Variants in SLC2A13 observed in about 807,000 individuals in gnomAD.
The protein encoded by SLC2A13 is proton myo-inositol cotransporter.
SLC2A13 carries 32 observed loss-of-function variants against 64.4 expected under a neutral mutation model. The observed-to-expected ratio is 0.50, with a 90% CI of 0.37 to 0.67. The LOEUF (loss-of-function observed/expected upper bound fraction) is 0.67, where lower values mean the gene tolerates loss of function less well. Among genes scored for constraint, SLC2A13 ranks in the 30% least tolerant of loss-of-function variants. The probability of loss-of-function intolerance (pLI) is 0.00; values close to 1 mark genes in which losing one functional copy is unlikely to be tolerated. For missense variants in SLC2A13, 743 were observed against 829.2 expected, an observed-to-expected ratio of 0.90 and a Z score of 1.28; for synonymous variants, 338 against 327.1, an observed-to-expected ratio of 1.03 and a Z score of -0.36.
chr12:40,067,853 C>A (rs1277497694), intron 1 of SLC2A13, among the ~76,000 whole-genome samples: 1 of 152,122 alleles, frequency 6.6e-6, no homozygotes, highest in Non-Finnish European at 1.5e-5. Context: ...TCTCTTCTTT[C>A]TTCTTCACTG....
intron 1 of SLC2A13, among the ~76,000 whole-genome samples, chr12:40,071,417 T>C (rs1277854134): frequency 6.6e-6 from 1 of 152,174 alleles, no homozygotes; most frequent in Non-Finnish European, 1.5e-5. Context: ...TTGAATTCAA[T>C]TTTATAATAT....
At chr12:40,052,086 G>A (rs1263497210) in intron 1 of SLC2A13, among the ~76,000 whole-genome samples, 3 of 152,080 alleles carry the variant, frequency 2.0e-5, no homozygotes, top group Non-Finnish European at 4.4e-5. Flanking sequence ...TTGATGTCAG[G>A]AAAAAGCAAC....
intron 4 of SLC2A13, among the ~76,000 whole-genome samples, chr12:39,894,883 G>T (rs1944700860): frequency 6.6e-6 from 1 of 152,112 alleles, no homozygotes; most frequent in Admixed American, 6.5e-5. Flanking sequence ...AAGAAGAAAT[G>T]GATATGAAAC....
chr12:39,916,424 C>T (rs1370597001), intron 4 of SLC2A13, among the ~76,000 whole-genome samples: 16 of 152,014 alleles, frequency 1.1e-4, no homozygotes. Context: ...AAACTAATTT[C>T]CTTCTACTGC....
chr12:39,939,766 C>T (rs916912771), intron 4 of SLC2A13, among the ~76,000 whole-genome samples: 26 of 152,264 alleles, frequency 1.7e-4, no homozygotes, highest in African/African-American at 5.8e-4. Flanking sequence ...TCTTTTTAGG[C>T]CAAAACTATT....
intron 3 of SLC2A13, among the ~76,000 whole-genome samples, chr12:39,976,058 C>T (rs561456084): frequency 6.6e-6 from 1 of 152,346 alleles, no homozygotes; most frequent in East Asian, 1.9e-4. Context: ...CACATGGTGT[C>T]AGCTCTGCTC....
Position 39,858,664 on chromosome 12 carries a change from T to A in SLC2A13, c.1319+6098A>T, listed in dbSNP as rs534813982. Among the ~76,000 whole-genome samples, 4 of 152,318 alleles carry A rather than the reference T, an allele frequency of 2.6e-5. No homozygotes were observed. In the South Asian group the frequency reaches 6.2e-4, roughly 24 times the overall value. ...CACTATTGCCTGGGCTGGAGTGCAA[T>A]GGCACGATCTCGGCTCACTGCAACC... On this transcript the variant is annotated intron_variant, in intron 6 of 9. Coordinates refer to ENST00000280871, the MANE Select transcript of SLC2A13 (RefSeq NM_052885.4).
Position 39,895,908 on chromosome 12 carries a change from ATATG to A in SLC2A13, c.1035-23951_1035-23948del, listed in dbSNP as rs2135995261. Among the ~76,000 whole-genome samples, 2 of 150,086 alleles carry A rather than the reference ATATG, an allele frequency of 1.3e-5. 1 individual carries two copies. Among genetic ancestry groups the A allele is most frequent in the South Asian group, 4.2e-4 (2 of 4,808 alleles). ...TGCGTGTATATGCACACACATATGT[ATATG>A]TATGCATATATGTGTATATGTGTAT... On this transcript the variant is annotated intron_variant, in intron 4 of 9. Coordinates refer to ENST00000280871, the MANE Select transcript of SLC2A13 (RefSeq NM_052885.4).
chr12:39,933,990 T>C (rs1945877066), intron 4 of SLC2A13, among the ~76,000 whole-genome samples: 1 of 152,252 alleles, frequency 6.6e-6, no homozygotes, highest in South Asian at 2.1e-4. Context: ...TAAGCTTCTA[T>C]GACTTAGTCA....
intron 7 of SLC2A13, among the ~76,000 whole-genome samples, chr12:39,796,139 C>T (rs1427484468): frequency 6.6e-6 from 1 of 152,062 alleles, no homozygotes; most frequent in Non-Finnish European, 1.5e-5. Context: ...AGTATATCAC[C>T]TTTTGTAACT....
intron 1 of SLC2A13, among the ~76,000 whole-genome samples, chr12:40,087,743 C>T (rs1471616638): frequency 6.6e-6 from 1 of 152,162 alleles, no homozygotes; most frequent in Non-Finnish European, 1.5e-5. Flanking sequence ...ACCTTCTGTA[C>T]TACTACTTAA....
intron 4 of SLC2A13, among the ~76,000 whole-genome samples, chr12:39,948,911 T>C (rs1022474786): frequency 1.1e-4 from 17 of 152,086 alleles, no homozygotes; most frequent in Non-Finnish European, 5.9e-5. Flanking sequence ...AAAAGTAAAT[T>C]ACTAGACTCT....
intron 2 of SLC2A13, among the ~76,000 whole-genome samples, chr12:40,045,712 T>C (rs1201166042): frequency 6.6e-6 from 1 of 152,108 alleles, no homozygotes; most frequent in East Asian, 1.9e-4. Context: ...CATACTCTTA[T>C]TTTATTTTTT....
chr12:39,905,740 T>G (rs1394883362), intron 4 of SLC2A13, among the ~76,000 whole-genome samples: 1 of 151,798 alleles, frequency 6.6e-6, no homozygotes, highest in African/African-American at 2.4e-5. Context: ...CAATCATGTA[T>G]ATCTTTTTAA....
chr12:39,831,941 G>A (rs530160492), intron 6 of SLC2A13, among the ~76,000 whole-genome samples: 9 of 152,168 alleles, frequency 5.9e-5, no homozygotes, highest in African/African-American at 2.2e-4. Flanking sequence ...CCAGTCTCAG[G>A]TATTCCTTTA....
intron 4 of SLC2A13, among the ~76,000 whole-genome samples, chr12:39,896,113 A>T (rs1015536979): frequency 2.3e-4 from 33 of 143,578 alleles, no homozygotes; most frequent in African/African-American, 7.5e-4. Flanking sequence ...TACATATATG[A>T]ATGCATACAT....
intron 4 of SLC2A13, among the ~76,000 whole-genome samples, chr12:39,886,159 G>A (rs2135968414): frequency 6.6e-6 from 1 of 152,280 alleles, no homozygotes; most frequent in Middle Eastern, 3.4e-3. Flanking sequence ...AGGAAAGAAA[G>A]ATGATCAATT....
intron 7 of SLC2A13, among the ~76,000 whole-genome samples, chr12:39,797,730 A>G (rs1403230708): frequency 1.6e-4 from 2 of 12,466 alleles, no homozygotes; most frequent in Non-Finnish European, 5.0e-4. Context: ...TATGGTAAAC[A>G]CACACACACA....
At chr12:40,059,039 G>A (rs750029885) in intron 1 of SLC2A13, among the ~76,000 whole-genome samples, 58 of 152,230 alleles carry the variant, frequency 3.8e-4, no homozygotes, top group Middle Eastern at 3.4e-3. Flanking sequence ...CAAATTAGCT[G>A]GCATGAATGC....
Sources: gnomAD v4.1 joint callset for allele counts (sites outside exome capture counted in the v4.1 genomes callset) on GRCh38, gnomAD v4.1.1 for gene constraint, MANE v1.5 for transcripts, NCBI Gene and HGNC (gene_info 2026-07-23, HGNC 2026-07-21) for gene names.